ADAM12: variants seen among roughly 807,000 people sequenced by gnomAD.
The protein encoded by ADAM12 is disintegrin and metalloproteinase domain-containing protein 12.
ADAM12 carries 70 observed loss-of-function variants against 106.4 expected under a neutral mutation model. That is an observed-to-expected ratio of 0.66 (90% CI 0.54 to 0.80). The LOEUF (loss-of-function observed/expected upper bound fraction) is 0.80. Among genes scored for constraint, ADAM12 ranks in the 30% least tolerant of loss-of-function variants. The probability of loss-of-function intolerance (pLI) is 0.00; values close to 1 mark genes in which losing one functional copy is unlikely to be tolerated. For synonymous variants in ADAM12, 420 were observed against 433.5 expected, an observed-to-expected ratio of 0.97 and a Z score of 0.39; for missense variants, 1,010 against 1,171.9, an observed-to-expected ratio of 0.86 and a Z score of 2.02.
chr10:126,246,770 C>A (rs1958638237), intron 3 of ADAM12, among the ~76,000 whole-genome samples: 1 of 152,172 alleles, frequency 6.6e-6, no homozygotes, highest in African/African-American at 2.4e-5. Context: ...AAACCCACAG[C>A]CAACATAATG....
chr10:126,200,875 G>T (rs1363860614), intron 3 of ADAM12, among the ~76,000 whole-genome samples: 1 of 150,512 alleles, frequency 6.6e-6, no homozygotes, highest in Non-Finnish European at 1.5e-5. Context: ...CAGGGTGGTG[G>T]TGGTGGTTAA....
At chr10:126,172,032 G>C (rs75917702) in intron 3 of ADAM12, among the ~76,000 whole-genome samples, 2 of 152,072 alleles carry the variant, frequency 1.3e-5, no homozygotes, top group African/African-American at 4.8e-5. Context: ...ATGACTAAAA[G>C]ATGTAATTTA....
At chr10:126,137,398 G>T (rs181498732) in intron 4 of ADAM12, among the ~76,000 whole-genome samples, 19 of 152,224 alleles carry the variant, frequency 1.2e-4, no homozygotes, top group Admixed American at 3.3e-4. Flanking sequence ...AAATTCACTT[G>T]CCATAAAACT....
chr10:126,104,350 T>C (rs1184793682), intron 8 of ADAM12, among the ~76,000 whole-genome samples: 1 of 149,712 alleles, frequency 6.7e-6, no homozygotes, highest in Non-Finnish European at 1.5e-5. Flanking sequence ...CTCGGGAAGC[T>C]GAGGCAGGAG....
At chr10:126,130,630 G>A (rs1355955774) in intron 5 of ADAM12, among the ~76,000 whole-genome samples, 3 of 152,204 alleles carry the variant, frequency 2.0e-5, no homozygotes, top group Non-Finnish European at 2.9e-5. Context: ...CAGCGAGGTC[G>A]TCACCACCAT....
chr10:126,125,249 C>CTT (rs35917087), intron 5 of ADAM12, among the ~76,000 whole-genome samples: 1,943 of 134,176 alleles, frequency 0.014, 57 homozygotes, highest in African/African-American at 0.046. Context: ...CTTTTCTTTT[C>CTT]TTTTTTTTTT....
At chr10:126,125,663 T>C (rs1268291317) in intron 5 of ADAM12, among the ~76,000 whole-genome samples, 3 of 151,888 alleles carry the variant, frequency 2.0e-5, no homozygotes, top group East Asian at 3.9e-4. Flanking sequence ...GGTTGAATAG[T>C]GTCCCCCCCA....
chr10:126,354,168 G>A (rs1855460942), intron 1 of ADAM12, among the ~76,000 whole-genome samples: 1 of 151,842 alleles, frequency 6.6e-6, no homozygotes, highest in Non-Finnish European at 1.5e-5. Flanking sequence ...AAGTAATTTG[G>A]CCTTCCAGAT....
intron 18 of ADAM12, 66 bp downstream of exon 18, chr10:126,042,974 G>A (rs1954215347): frequency 6.7e-7 from 1 of 1,482,528 alleles, no homozygotes; most frequent in South Asian, 1.2e-5. Flanking sequence ...CATGCTGACA[G>A]CTGGCGAGCC....
chr10:126,026,613 A>C (rs1287249674), intron 21 of ADAM12, among the ~76,000 whole-genome samples: 1 of 152,240 alleles, frequency 6.6e-6, no homozygotes, highest in Non-Finnish European at 1.5e-5. Flanking sequence ...TAAGATTAAG[A>C]AATTCACTCA....
chr10:126,295,569 AC>A (rs1565197068), intron 2 of ADAM12, among the ~76,000 whole-genome samples: 1 of 152,010 alleles, frequency 6.6e-6, no homozygotes, highest in African/African-American at 2.4e-5. Flanking sequence ...ACACACACAC[AC>A]ATCTCTGTTC....
intron 3 of ADAM12, among the ~76,000 whole-genome samples, chr10:126,276,816 G>A (rs1398479811): frequency 6.6e-6 from 1 of 152,140 alleles, no homozygotes; most frequent in African/African-American, 2.4e-5. Context: ...ACTCAGAATT[G>A]AAAGGGAACA....
chr10:126,194,415 CGGGAA>C (rs1226161153), intron 3 of ADAM12, among the ~76,000 whole-genome samples: 3 of 151,876 alleles, frequency 2.0e-5, no homozygotes, highest in African/African-American at 7.3e-5. Flanking sequence ...CACCATTTAT[CGGGAA>C]GCAGACTTGG....
chr10:126,023,315 C>G (rs1394337525), intron 21 of ADAM12, among the ~76,000 whole-genome samples: 1 of 152,100 alleles, frequency 6.6e-6, no homozygotes, highest in Non-Finnish European at 1.5e-5. Context: ...ATGGCAGGCT[C>G]TGTTGTTGTG....
intron 3 of ADAM12, among the ~76,000 whole-genome samples, chr10:126,263,980 T>A (rs1364963908): frequency 6.6e-6 from 1 of 152,238 alleles, no homozygotes; most frequent in Middle Eastern, 3.2e-3. Context: ...AAAATATAAA[T>A]GAATTTTAAA....
chr10:126,199,962 A>G (rs992944253), intron 3 of ADAM12, among the ~76,000 whole-genome samples: 3 of 152,170 alleles, frequency 2.0e-5, no homozygotes, highest in Non-Finnish European at 4.4e-5. Context: ...CAGGCACTCA[A>G]TGGGGTCTTC....
Position 126,101,185 on chromosome 10 carries a change from G to A in ADAM12, c.798C>T (p.Asp266=), listed in dbSNP as rs1955659455. 6 of 1,614,152 alleles carry A rather than the reference G, an allele frequency of 3.7e-6. No homozygotes were observed. The highest frequency in any genetic ancestry group is 2.2e-5 in the South Asian group (2 of 91,074). ...CCTGACTTACAGAGCATTTGTCCAT[G>A]TCATTCCACACTTCCACGCCTACCA... is the stretch of plus-strand genomic sequence containing the variant. ...IVLVGVEVWN[D]MDKCSVSQDP... The change falls in exon 9 of 23, where the codon GAC becomes GAT. Residue 266 remains aspartate, a synonymous_variant. Coordinates refer to ENST00000448723, the MANE Select transcript of ADAM12 (RefSeq NM_001288973.2).
rs1958750815 is a variant in ADAM12, at chr10:126,251,531, GGATAGATGGAT to G, written c.260+27373_260+27383del. Reference sequence around the variant, plus strand: ...GATGAATGGATGGGATGGACAGGATGGATAGATGGATGGATAGGATAGATGGGTGGGATGGA... The same window carrying G: ...GATGAATGGATGGGATGGACAGGATGGGATAGGATAGATGGGTGGGATGGA... On this transcript the variant is annotated intron_variant, in intron 3 of 22. Transcript: ENST00000448723. Among the ~76,000 whole-genome samples the G allele has an allele frequency of 9.3e-5, 3 of 32,134 alleles. No individual in the cohort carries two copies. In the East Asian group the frequency reaches 4.4e-3, roughly 47 times the overall value. The allele number at this position is 32,134 out of a possible 152,430, so 21.1% of individuals were successfully genotyped here.
intron 3 of ADAM12, among the ~76,000 whole-genome samples, chr10:126,253,118 G>C (rs547620219): frequency 9.2e-5 from 14 of 152,282 alleles, no homozygotes; most frequent in African/African-American, 3.4e-4. Flanking sequence ...GCCAAAATAT[G>C]CTTAGCACTC....
Sources: gnomAD v4.1 joint callset for allele counts (sites outside exome capture counted in the v4.1 genomes callset) on GRCh38, gnomAD v4.1.1 for gene constraint, MANE v1.5 for transcripts, NCBI Gene and HGNC (gene_info 2026-07-23, HGNC 2026-07-21) for gene names.